The following SPIRE1 variants were observed in gnomAD, a reference collection of about 807,000 sequenced individuals.
The protein encoded by SPIRE1 is protein spire homolog 1.
In SPIRE1, 40 loss-of-function variants were observed where a neutral mutation model predicts 94.1. The observed-to-expected ratio is 0.43, with a 90% CI of 0.33 to 0.55. The LOEUF (loss-of-function observed/expected upper bound fraction) is 0.55, where lower values mean the gene tolerates loss of function less well. SPIRE1 is among the 20% of genes least tolerant of loss of function. SPIRE1 has a pLI of 0.06. For missense variants in SPIRE1, 838 were observed against 975.2 expected, an observed-to-expected ratio of 0.86 and a Z score of 1.87; for synonymous variants, 376 against 371.7, an observed-to-expected ratio of 1.01 and a Z score of -0.13.
At chr18:12,512,647 C>T in intron 4 of SPIRE1, 116 bp from the exon 5 acceptor site, 3 of 661,586 alleles carry the variant, frequency 4.5e-6, no homozygotes, top group Non-Finnish European at 5.2e-6. Context: ...GGAGATGGTA[C>T]AGAATCTATT....
intron 2 of SPIRE1, among the ~76,000 whole-genome samples, chr18:12,604,547 A>AT (rs965663081): frequency 6.6e-6 from 1 of 152,124 alleles, no homozygotes; most frequent in African/African-American, 2.4e-5. Flanking sequence ...GCCCTAATAT[A>AT]TCCTAATATA....
At chr18:12,638,556 A>G (rs1310097021) in intron 1 of SPIRE1, among the ~76,000 whole-genome samples, 1 of 152,186 alleles carries the variant, frequency 6.6e-6, no homozygotes, top group East Asian at 1.9e-4. Flanking sequence ...GCACACTCTA[A>G]GGCTCCTGAT....
chr18:12,460,047 A>C (rs1427150279), intron 12 of SPIRE1: 2 of 314,318 alleles, frequency 6.4e-6, no homozygotes, highest in African/African-American at 2.2e-5. Context: ...ACAAAACAAA[A>C]AACACCATGA....
intron 5 of SPIRE1, among the ~76,000 whole-genome samples, chr18:12,507,724 A>T (rs1185291655): frequency 6.6e-6 from 1 of 152,026 alleles, no homozygotes; most frequent in Admixed American, 6.6e-5. Context: ...AACATAAAAT[A>T]ATACAAAATC....
rs564415587 is a variant in SPIRE1 at position 12,647,317 on chromosome 18, C to T, written c.337+10213G>A. 7.2e-5 allele frequency among the ~76,000 whole-genome samples: 11 copies of T among 152,250 alleles called. No homozygotes were observed. In the East Asian group the frequency reaches 2.1e-3, roughly 29 times the overall value. ...TTTAGAAACATATTCAACAAAAATG[C>T]TACATTTGTTCACCAAAAGACACGT... is the stretch of plus-strand genomic sequence containing the variant. On this transcript the variant is annotated intron_variant, in intron 1 of 16. Transcript: ENST00000409402.
intron 6 of SPIRE1, among the ~76,000 whole-genome samples, chr18:12,502,926 G>T (rs1030645320): frequency 6.6e-6 from 1 of 151,996 alleles, no homozygotes; most frequent in Non-Finnish European, 1.5e-5. Flanking sequence ...TGGCTAACCT[G>T]ATGAAACCAC....
At chr18:12,628,037 T>G (rs1379499234) in intron 2 of SPIRE1, among the ~76,000 whole-genome samples, 1 of 152,226 alleles carries the variant, frequency 6.6e-6, no homozygotes, top group Non-Finnish European at 1.5e-5. Flanking sequence ...TCTTCTGCCA[T>G]GCAGAAGCTC....
At chr18:12,531,883 G>A (rs1188023680) in intron 4 of SPIRE1, among the ~76,000 whole-genome samples, 1 of 152,092 alleles carries the variant, frequency 6.6e-6, no homozygotes, top group Non-Finnish European at 1.5e-5. Context: ...CACAGCACAG[G>A]CTCACCAGCT....
intron 4 of SPIRE1, among the ~76,000 whole-genome samples, chr18:12,526,739 C>T (rs1036044868): frequency 6.6e-6 from 1 of 151,700 alleles, no homozygotes; most frequent in African/African-American, 2.4e-5. Flanking sequence ...AGAGGAGTCT[C>T]ACTCACTGTC....
At chr18:12,473,263 A>T (rs1415448906) in intron 10 of SPIRE1, among the ~76,000 whole-genome samples, 1 of 152,206 alleles carries the variant, frequency 6.6e-6, no homozygotes, top group East Asian at 1.9e-4. Context: ...ATGTATCAAA[A>T]GCTACACAAA....
intron 10 of SPIRE1, among the ~76,000 whole-genome samples, chr18:12,469,577 T>G (rs1003079712): frequency 4.1e-4 from 60 of 145,438 alleles, no homozygotes; most frequent in Non-Finnish European, 7.1e-4. Flanking sequence ...TTATATATAT[T>G]ATATATAGTA....
At chr18:12,619,129 C>G (rs1316067246) in intron 2 of SPIRE1, among the ~76,000 whole-genome samples, 1 of 152,106 alleles carries the variant, frequency 6.6e-6, no homozygotes, top group Non-Finnish European at 1.5e-5. Flanking sequence ...CTCCCAACCT[C>G]AGGTGATCCG....
At chr18:12,593,564 C>A (rs1567955588) in intron 2 of SPIRE1, among the ~76,000 whole-genome samples, 1 of 152,134 alleles carries the variant, frequency 6.6e-6, no homozygotes, top group African/African-American at 2.4e-5. Context: ...CGCTATATAC[C>A]CAGCATTACA....
chr18:12,484,588 C>T (rs771245566), intron 9 of SPIRE1, among the ~76,000 whole-genome samples: 3 of 152,202 alleles, frequency 2.0e-5, no homozygotes, highest in Admixed American at 6.5e-5. Flanking sequence ...TGAATTTGTA[C>T]GTAAGGTATG....
At chr18:12,561,392 C>T (rs1030404358) in intron 2 of SPIRE1, among the ~76,000 whole-genome samples, 2 of 152,030 alleles carry the variant, frequency 1.3e-5, no homozygotes, top group Middle Eastern at 3.4e-3. Context: ...GCCTCAGCCT[C>T]CCGAGTAGCT....
At chr18:12,550,473 G>A (rs1222595751) in intron 2 of SPIRE1, among the ~76,000 whole-genome samples, 1 of 152,108 alleles carries the variant, frequency 6.6e-6, no homozygotes, top group Non-Finnish European at 1.5e-5. Context: ...GTGGCTCACT[G>A]CAGCCTCTGC....
intron 2 of SPIRE1, among the ~76,000 whole-genome samples, chr18:12,570,480 A>T (rs1455474028): frequency 6.6e-6 from 1 of 152,202 alleles, no homozygotes; most frequent in Admixed American, 6.5e-5. Flanking sequence ...AAAATTCAAA[A>T]ACCAAAACCA....
intron 12 of SPIRE1, among the ~76,000 whole-genome samples, chr18:12,456,180 A>T (rs996440403): frequency 1.3e-5 from 2 of 152,262 alleles, no homozygotes; most frequent in African/African-American, 4.8e-5. Context: ...CATTTAAAAA[A>T]TTAACGATCA....
chr18:12,492,088 G>T (rs540973361), intron 8 of SPIRE1, among the ~76,000 whole-genome samples: 5 of 152,320 alleles, frequency 3.3e-5, no homozygotes, highest in African/African-American at 1.2e-4. Flanking sequence ...GTATGAGTCT[G>T]CATTTTTACA....
Sources: allele counts gnomAD v4.1 joint callset (sites outside exome capture counted in the v4.1 genomes callset), GRCh38; gene constraint gnomAD v4.1.1; transcripts MANE v1.5; gene names NCBI Gene and HGNC (gene_info 2026-07-23, HGNC 2026-07-21).